COL16A1: variants seen among roughly 807,000 people sequenced by gnomAD.
COL16A1 encodes collagen type XVI alpha 1 chain.
Under a neutral mutation model 266.3 loss-of-function variants are expected in COL16A1, and 189 were observed. That is an observed-to-expected ratio of 0.71 (90% CI 0.63 to 0.80). The LOEUF (loss-of-function observed/expected upper bound fraction) is 0.80. Ranked by LOEUF, COL16A1 falls within the 30% of genes least tolerant of loss-of-function variation. COL16A1 has a pLI of 0.00. For missense variants in COL16A1, 1,928 were observed against 2,122.4 expected (o/e 0.91, Z 1.80); for synonymous variants, 740 against 782.3 (o/e 0.95, Z 0.90).
At chr1:31,665,343 C>A in intron 55 of COL16A1, 109 bp from the exon 56 acceptor site, 1 of 1,499,864 alleles carries the variant, frequency 6.7e-7, no homozygotes. Flanking sequence ...TTCATTTTGA[C>A]TTCCTAGAAG....
At chr1:31,679,127 T>C in intron 42 of COL16A1, 1 of 258,934 alleles carries the variant, frequency 3.9e-6, no homozygotes, top group Non-Finnish European at 7.3e-6. Context: ...GCTTTACCAT[T>C]CTCCTTAGTA....
intron 19 of COL16A1, 59 bp downstream of exon 19, chr1:31,691,358 C>A (rs564294362): frequency 2.5e-6 from 4 of 1,585,204 alleles, no homozygotes; most frequent in East Asian, 4.5e-5. Context: ...CATTCCCTGG[C>A]CAGGGTGGGA....
chr1:31,688,882 G>C lies in COL16A1; in HGVS notation c.1746C>G (p.Gly582=), dbSNP rs1243997734. 2 of 1,613,914 alleles carry C rather than the reference G, an allele frequency of 1.2e-6. No individual in the cohort carries two copies. The highest frequency in any genetic ancestry group is 2.7e-5 in the African/African-American group (2 of 74,926). ...TCACCGGAAGGCCAGGCAGACCAAA[G>C]CCAGGGGAACCCACATCTCCACTGG... is the stretch of plus-strand genomic sequence containing the variant. ...TGASGDVGSP[G]FGLPGLPGRA... Residue 582 remains glycine (G), a synonymous_variant, in exon 25 of 71, where the codon GGC becomes GGG. Coordinates refer to ENST00000373672, the MANE Select transcript of COL16A1 (RefSeq NM_001856.4). This position sits in a 1 kb window ranked among gnomAD's most constrained non-coding sequence, Gnocchi z 4.9.
rs1644464821 is a variant in COL16A1, at chr1:31,695,682, C to T, written c.945+79G>A. The T allele has an allele frequency of 4.3e-6, 6 of 1,398,032 alleles. No individual in the cohort carries two copies. The South Asian group carries it at 7.1e-5, about 16-fold the overall frequency. 86.6% of individuals were successfully genotyped at this position (1,398,032 alleles called of 1,614,324 possible). On this transcript the variant is annotated intron_variant, in intron 10 of 70. Transcript: ENST00000373672. Reference sequence around the variant, plus strand: ...TGTGTAGTCAGCCAGCACCCCTATGCTGAGGATCCGTGCCCAAAGCCTGGT... The same window carrying T: ...TGTGTAGTCAGCCAGCACCCCTATGTTGAGGATCCGTGCCCAAAGCCTGGT...
At chr1:31,688,000 G>A (rs1177278265) in intron 26 of COL16A1, among the ~76,000 whole-genome samples, 2 of 152,164 alleles carry the variant, frequency 1.3e-5, no homozygotes, top group African/African-American at 4.8e-5. Flanking sequence ...CTGGAGCCAG[G>A]CTTCCTGGGC....
intron 68 of COL16A1, among the ~76,000 whole-genome samples, chr1:31,654,423 G>A (rs1640915699): frequency 6.6e-6 from 1 of 152,066 alleles, no homozygotes; most frequent in Admixed American, 6.6e-5. Context: ...CATCAATGTT[G>A]GATGAACAAA....
At chr1:31,687,023 A>T (rs1279543685) in intron 26 of COL16A1, among the ~76,000 whole-genome samples, 1 of 152,218 alleles carries the variant, frequency 6.6e-6, no homozygotes, top group Non-Finnish European at 1.5e-5. Flanking sequence ...GAGCTATGTT[A>T]GAAAGTAAGT....
In COL16A1 at chr1:31,685,534, C is replaced by A; in HGVS notation, c.2016+105G>T. 238 of 1,098,280 alleles carry A rather than the reference C, an allele frequency of 2.2e-4. No individual in the cohort carries two copies. The highest frequency in any genetic ancestry group is 2.5e-4 in the Non-Finnish European group (189 of 769,864). 68.0% of individuals were successfully genotyped at this position (1,098,280 alleles called of 1,614,324 possible). Reference sequence around the variant, plus strand: ...TGACCCCGCCACACCCTCCCCACTACCCCCAACTGCCCAGGGAGTCAAGAG... The same window carrying A: ...TGACCCCGCCACACCCTCCCCACTAACCCCAACTGCCCAGGGAGTCAAGAG... On this transcript the variant is annotated intron_variant, in intron 29 of 70. Coordinates refer to ENST00000373672, the MANE Select transcript of COL16A1 (RefSeq NM_001856.4). The surrounding 1 kb of genome is among the most constrained non-coding windows in gnomAD (Gnocchi z 4.0).
intron 16 of COL16A1, 92 bp from the exon 17 acceptor site, chr1:31,692,159 A>T (rs1484484372): frequency 1.3e-6 from 2 of 1,577,852 alleles, no homozygotes; most frequent in Admixed American, 1.7e-5. Flanking sequence ...TGCCTTCTAG[A>T]CCCCTGGTCT....
chr1:31,682,261 T>C (rs1205003365), intron 37 of COL16A1, among the ~76,000 whole-genome samples: 1 of 152,226 alleles, frequency 6.6e-6, no homozygotes, highest in Non-Finnish European at 1.5e-5. Flanking sequence ...GACATGTCTC[T>C]TAAAACGTGG....
chr1:31,695,217 G>C lies in COL16A1; in HGVS notation c.950C>G (p.Pro317Arg). 1 of 1,613,846 alleles carries C rather than the reference G, an allele frequency of 6.2e-7. No individual in the cohort carries two copies. Among genetic ancestry groups the C allele is most frequent in the Non-Finnish European group, 8.5e-7 (1 of 1,179,976 alleles). Residue 317 changes from proline to arginine, a missense_variant, in exon 11 of 71, where the codon CCG (proline) becomes CGG (arginine). Pro to Arg is a moderately radical substitution (Grantham distance 103). This residue lies in a region of COL16A1 where 1,552 missense variants were observed against 1,637.2 expected (regional missense o/e 0.95). Transcript: ENST00000373672. The stretch of plus-strand genomic sequence containing the variant: ...GTCCCGGGCACCATGGACACAGGGC[G>C]GACACTGAAAGGGAAGAGCAGGCGA... ...VHQETAADEC[P>R]PCVHGARDSN...
rs773416181 is a variant in COL16A1, at chr1:31,698,657, G to T, written c.267-51C>A. On this transcript the variant is annotated intron_variant, in intron 4 of 70. Transcript: ENST00000373672. The surrounding 1 kb of genome is among the most constrained non-coding windows in gnomAD (Gnocchi z 4.1). ...CTGAGGCTCCAATGAGGACCCAAATGCTGCCCACCCTGAGCCCTCAGGACT... is the reference window on the plus strand; with the variant it reads ...CTGAGGCTCCAATGAGGACCCAAATTCTGCCCACCCTGAGCCCTCAGGACT... 13 of 1,603,764 alleles carry T rather than the reference G, an allele frequency of 8.1e-6. No homozygotes were observed. In the South Asian group the frequency reaches 1.2e-4, roughly 15 times the overall value.
chr1:31,700,179 GCCTGGGGAA>G, intron 2 of COL16A1, 64 bp from the exon 3 acceptor site: 4 of 1,513,048 alleles, frequency 2.6e-6, no homozygotes, highest in Non-Finnish European at 3.7e-6. Flanking sequence ...ACGGCTGGAC[GCCTGGGGAA>G]CCTGGGAGGG....
intron 70 of COL16A1, 182 bp downstream of exon 70, chr1:31,653,417 C>T: frequency 1.5e-6 from 1 of 686,954 alleles, no homozygotes; most frequent in Non-Finnish European, 2.3e-6. Flanking sequence ...GGTACTGAGT[C>T]TTCCGCCCCC....
In COL16A1 at chr1:31,692,010, G is replaced by T. The variant is rs767885007; in HGVS notation, c.1252C>A (p.Arg418=). 2.5e-6 allele frequency: 4 copies of T among 1,613,816 alleles called. No individual in the cohort carries two copies. The highest frequency in any genetic ancestry group is 3.3e-5 in the Admixed American group (2 of 60,008). Residue 418 remains arginine, a synonymous_variant, in exon 17 of 71, where the codon CGG becomes AGG. Transcript: ENST00000373672. The part of the protein sequence containing the change: ...GIKGVPGKPG[R]DGRPGEICVI... Reference sequence around the variant, plus strand: ...GAAGGGTCCCAGGCACCTACGTCCCGGCCTGGCTTTCCCGGCACGCCCTTG... The same window carrying T: ...GAAGGGTCCCAGGCACCTACGTCCCTGCCTGGCTTTCCCGGCACGCCCTTG...
chr1:31,685,726 A>C lies in COL16A1; in HGVS notation c.1929T>G (p.Asp643Glu). 6.2e-7 allele frequency: 1 copy of C among 1,613,866 alleles called. No individual in the cohort carries two copies. The highest frequency in any genetic ancestry group is 8.5e-7 in the Non-Finnish European group (1 of 1,179,978). ...GCAAGGCCACCACACGGACATCCCC[A>C]TCCTGAAGGTTGGACAGGGCTGGGC... ...EPCPALSNLQ[D>E]GDVRVVALPG... The change falls in exon 29 of 71, where the codon GAT (aspartate) becomes GAG (glutamate). Residue 643 changes from aspartate to glutamate, a missense_variant. Around this residue, in one of 2 missense-constraint regions of COL16A1, gnomAD observed 1,552 missense variants for 1,637.2 expected, o/e 0.95. Coordinates refer to ENST00000373672, the MANE Select transcript of COL16A1 (RefSeq NM_001856.4). This position sits in a 1 kb window ranked among gnomAD's most constrained non-coding sequence, Gnocchi z 4.0.
Position 31,685,858 on chromosome 1 carries a change from T to C in COL16A1, c.1885-88A>G, listed in dbSNP as rs1643946420. On this transcript the variant is annotated intron_variant, in intron 28 of 70. Transcript: ENST00000373672. This position sits in a 1 kb window ranked among gnomAD's most constrained non-coding sequence, Gnocchi z 4.0. ...GGAATCTAGGGCTGGGGAATGTCAC[T>C]GGGTCTGACACTGCACCTCTGCTGG... is the stretch of plus-strand genomic sequence containing the variant. 4.4e-6 allele frequency: 7 copies of C among 1,579,420 alleles called. No individual in the cohort carries two copies. In the Admixed American group the frequency reaches 1.2e-4, roughly 27 times the overall value.
intron 12 of COL16A1, among the ~76,000 whole-genome samples, chr1:31,693,462 G>A (rs1239709830): frequency 6.6e-6 from 1 of 152,140 alleles, no homozygotes; most frequent in African/African-American, 2.4e-5. Flanking sequence ...CAGCACAGCC[G>A]GAGGCATATG....
chr1:31,685,681 C>T lies in COL16A1; in HGVS notation c.1974G>A (p.Lys658=). 3 of 1,614,040 alleles carry T rather than the reference C, an allele frequency of 1.9e-6. No homozygotes were observed. The highest frequency in any genetic ancestry group is 2.2e-5 in the South Asian group (2 of 91,082). ...VVALPGPSGE[K]GEPGPPGFGL... is the part of the protein sequence containing the mutation. The stretch of plus-strand genomic sequence containing the variant: ...CAAAGCCTGGAGGCCCAGGTTCCCC[C>T]TTCTCTCCGGATGGGCCAGGCAAGG... The change falls in exon 29 of 71, where the codon AAG becomes AAA. Residue 658 remains lysine, a synonymous_variant. Coordinates refer to ENST00000373672, the MANE Select transcript of COL16A1 (RefSeq NM_001856.4). The surrounding 1 kb of genome is among the most constrained non-coding windows in gnomAD (Gnocchi z 4.0).
Sources: gnomAD v4.1 joint callset for allele counts (sites outside exome capture counted in the v4.1 genomes callset) on GRCh38, gnomAD v4.1.1 for gene constraint, gnomAD v4.1.1 regional missense constraint, Gnocchi (gnomAD v3.1) non-coding constraint, MANE v1.5 for transcripts, NCBI Gene and HGNC (gene_info 2026-07-23, HGNC 2026-07-21) for gene names.